The following LMX1A variants were observed in gnomAD, a reference collection of about 807,000 sequenced individuals.
The protein encoded by LMX1A is LIM homeobox transcription factor 1-alpha.
In LMX1A, 15 loss-of-function variants were observed where a neutral mutation model predicts 49.1. That is an observed-to-expected ratio of 0.31 (90% CI 0.20 to 0.47). The LOEUF (loss-of-function observed/expected upper bound fraction) is 0.47, where lower values mean the gene tolerates loss of function less well. Among genes scored for constraint, LMX1A ranks in the 20% least tolerant of loss-of-function variants. The pLI, the probability that LMX1A is intolerant of heterozygous loss-of-function variation, is 1.00. For missense variants in LMX1A, 372 were observed against 475.8 expected (o/e 0.78, Z 2.03); for synonymous variants, 167 against 185.7 (o/e 0.90, Z 0.82).
At chr1:165,227,311 G>A (rs989907454) in intron 4 of LMX1A, among the ~76,000 whole-genome samples, 2 of 152,132 alleles carry the variant, frequency 1.3e-5, no homozygotes, top group Non-Finnish European at 2.9e-5. Context: ...GCCAAGGCGG[G>A]TGGATCACTT....
At chr1:165,344,863 C>T (rs887575426) in intron 3 of LMX1A, among the ~76,000 whole-genome samples, 3 of 152,216 alleles carry the variant, frequency 2.0e-5, no homozygotes, top group Non-Finnish European at 4.4e-5. Context: ...CTTTGCAGGG[C>T]CCCATGCTCA....
intron 2 of LMX1A, among the ~76,000 whole-genome samples, chr1:165,353,945 C>G (rs1225755434): frequency 2.0e-5 from 3 of 152,188 alleles, no homozygotes; most frequent in Admixed American, 6.5e-5. Context: ...AGTGTCCCGG[C>G]CGGGATTCCC....
At chr1:165,242,183 G>A (rs1239528213) in intron 4 of LMX1A, among the ~76,000 whole-genome samples, 1 of 152,224 alleles carries the variant, frequency 6.6e-6, no homozygotes, top group Non-Finnish European at 1.5e-5. Flanking sequence ...CCAGATGAAT[G>A]CTGAACACAA....
At chr1:165,336,048 G>A (rs546564769) in intron 3 of LMX1A, among the ~76,000 whole-genome samples, 3 of 152,220 alleles carry the variant, frequency 2.0e-5, no homozygotes, top group African/African-American at 4.8e-5. Flanking sequence ...TCCATTTATC[G>A]AGGATCTTTA....
chr1:165,273,436 G>A (rs1653865581), intron 3 of LMX1A, among the ~76,000 whole-genome samples: 1 of 152,072 alleles, frequency 6.6e-6, no homozygotes, highest in Non-Finnish European at 1.5e-5. Context: ...ATTCACACAG[G>A]CAACTCAAAG....
At chr1:165,266,360 G>A (rs141621050) in intron 3 of LMX1A, among the ~76,000 whole-genome samples, 1 of 152,268 alleles carries the variant, frequency 6.6e-6, no homozygotes, top group African/African-American at 2.4e-5. Flanking sequence ...TGAGGTAGAA[G>A]TAGGACCAGC....
chr1:165,204,940 TA>T (rs1266287998), intron 8 of LMX1A, among the ~76,000 whole-genome samples: 1 of 152,128 alleles, frequency 6.6e-6, no homozygotes, highest in African/African-American at 2.4e-5. Flanking sequence ...GGCCAAATCT[TA>T]ATAAATGTTT....
intron 3 of LMX1A, among the ~76,000 whole-genome samples, chr1:165,308,051 A>T (rs1654971099): frequency 6.6e-6 from 1 of 152,190 alleles, no homozygotes; most frequent in South Asian, 2.1e-4. Flanking sequence ...ACATAAGAAG[A>T]AAAAAAGAAG....
intron 6 of LMX1A, among the ~76,000 whole-genome samples, chr1:165,209,258 G>A (rs1651260451): frequency 6.6e-6 from 1 of 152,182 alleles, no homozygotes; most frequent in South Asian, 2.1e-4. Context: ...TGATCAAATA[G>A]TGAGATAACC....
At chr1:165,270,708 T>C (rs190537745) in intron 3 of LMX1A, among the ~76,000 whole-genome samples, 1 of 152,256 alleles carries the variant, frequency 6.6e-6, no homozygotes, top group Admixed American at 6.5e-5. Flanking sequence ...CTCTATTTTA[T>C]AGGAAATGGG....
chr1:165,340,345 C>T (rs1010408282), intron 3 of LMX1A, among the ~76,000 whole-genome samples: 1 of 152,154 alleles, frequency 6.6e-6, no homozygotes, highest in South Asian at 2.1e-4. Flanking sequence ...GATCCACCCA[C>T]CTCAGCCTCC....
chr1:165,344,145 C>T (rs575364976), intron 3 of LMX1A, among the ~76,000 whole-genome samples: 1 of 152,238 alleles, frequency 6.6e-6, no homozygotes, highest in Non-Finnish European at 1.5e-5. Flanking sequence ...ATTCAAGGTG[C>T]ACAGAGCTCC....
chr1:165,208,933 C>T (rs1651236764), intron 6 of LMX1A, among the ~76,000 whole-genome samples: 1 of 152,234 alleles, frequency 6.6e-6, no homozygotes. Context: ...AAGCGTGAGC[C>T]ACCACGCCCG....
chr1:165,330,920 G>T (rs1249943145), intron 3 of LMX1A, among the ~76,000 whole-genome samples: 1 of 152,176 alleles, frequency 6.6e-6, no homozygotes, highest in East Asian at 1.9e-4. Flanking sequence ...CAGGATCAAA[G>T]AATTGAACTG....
chr1:165,306,774 G>C (rs939495848), intron 3 of LMX1A, among the ~76,000 whole-genome samples: 1 of 152,198 alleles, frequency 6.6e-6, no homozygotes, highest in South Asian at 2.1e-4. Context: ...ACAGTGCCTG[G>C]TACCTCCCAG....
chr1:165,220,361 A>G (rs909925046), intron 4 of LMX1A, among the ~76,000 whole-genome samples: 3 of 152,190 alleles, frequency 2.0e-5, no homozygotes, highest in African/African-American at 7.2e-5. Context: ...CAGGTAAGGA[A>G]GGAGAGGATT....
chr1:165,308,569 G>A (rs545814542), intron 3 of LMX1A, among the ~76,000 whole-genome samples: 5 of 152,208 alleles, frequency 3.3e-5, no homozygotes, highest in African/African-American at 4.8e-5. Flanking sequence ...TTGGTGATTC[G>A]CACTTTCTCA....
chr1:165,327,170 T>C (rs1206730158), intron 3 of LMX1A, among the ~76,000 whole-genome samples: 1 of 151,948 alleles, frequency 6.6e-6, no homozygotes, highest in Non-Finnish European at 1.5e-5. Context: ...AGTGGACAAG[T>C]TCATTGGCTG....
At chr1:165,204,592 A>G (rs375298162) in intron 8 of LMX1A, among the ~76,000 whole-genome samples, 1 of 152,248 alleles carries the variant, frequency 6.6e-6, no homozygotes, top group Admixed American at 6.5e-5. Context: ...TAGGGCACAC[A>G]TTGGAACAGC....
Sources: allele counts gnomAD v4.1 joint callset (sites outside exome capture counted in the v4.1 genomes callset), GRCh38; gene constraint gnomAD v4.1.1; transcripts MANE v1.5; gene names NCBI Gene and HGNC (gene_info 2026-07-23, HGNC 2026-07-21).